The following IGSF21 variants were observed in gnomAD, a reference collection of about 807,000 sequenced individuals.
IGSF21 encodes the protein immunoglobin superfamily member 21.
IGSF21 carries 28 observed loss-of-function variants against 46.8 expected under a neutral mutation model. The ratio of observed to expected loss-of-function variants is 0.60; its 90% CI spans 0.44 to 0.82. IGSF21 has a LOEUF of 0.82. Among genes scored for constraint, IGSF21 ranks in the 40% least tolerant of loss-of-function variants. The probability of loss-of-function intolerance (pLI) is 0.00; values close to 1 mark genes in which losing one functional copy is unlikely to be tolerated. For missense variants in IGSF21, 624 were observed against 665.5 expected (o/e 0.94, Z 0.69); for synonymous variants, 284 against 273.6 (o/e 1.04, Z -0.38).
At chr1:18,313,947 A>G (rs223208) in intron 3 of IGSF21, among the ~76,000 whole-genome samples, 151,405 of 152,276 alleles carry the variant, frequency 0.99, 75,269 homozygotes, top group East Asian at 1. Context: ...CAGCCGTCTC[A>G]GGAAGACGTG....
intron 1 of IGSF21, chr1:18,111,289 C>T (rs1461447881): frequency 1.3e-5 from 2 of 152,238 alleles, no homozygotes; most frequent in Admixed American, 1.3e-4. Flanking sequence ...ATAAACTCCA[C>T]CCCTCTTCCA....
chr1:18,234,357 A>G (rs2084654514), intron 2 of IGSF21, among the ~76,000 whole-genome samples: 1 of 152,202 alleles, frequency 6.6e-6, no homozygotes, highest in Non-Finnish European at 1.5e-5. Context: ...TCACATGGGA[A>G]GGAAGAGAAG....
At chr1:18,356,687 C>T (rs1018909121) in intron 4 of IGSF21, among the ~76,000 whole-genome samples, 1 of 152,136 alleles carries the variant, frequency 6.6e-6, no homozygotes, top group Non-Finnish European at 1.5e-5. Context: ...TGACCTTGGC[C>T]AGAGACTGTA....
Position 18,147,801 on chromosome 1 carries a change from G to C in IGSF21, c.70+39603G>C, listed in dbSNP as rs547894074. Reference sequence around the variant, plus strand: ...ATTTTTACTGAGGACACTTGATATGGTTTGGCTGTGTCCCCACCCAAATCT... The same window carrying C: ...ATTTTTACTGAGGACACTTGATATGCTTTGGCTGTGTCCCCACCCAAATCT... On this transcript the variant is annotated intron_variant, in intron 1 of 9. Transcript: ENST00000251296. Among the ~76,000 whole-genome samples, 3 of 152,218 alleles carry C rather than the reference G, an allele frequency of 2.0e-5. No homozygotes were observed. The South Asian group carries it at 6.2e-4, about 32-fold the overall frequency.
chr1:18,202,078 C>G (rs1322797291), intron 1 of IGSF21, among the ~76,000 whole-genome samples: 1 of 152,200 alleles, frequency 6.6e-6, no homozygotes, highest in East Asian at 1.9e-4. Context: ...TCCACGCACC[C>G]TGCTGCCTCC....
At chr1:18,370,813 A>C (rs781117034) in intron 6 of IGSF21, among the ~76,000 whole-genome samples, 7 of 152,218 alleles carry the variant, frequency 4.6e-5, no homozygotes, top group Non-Finnish European at 8.8e-5. Context: ...GCTAATAAAC[A>C]TGTAAAAACC....
intron 1 of IGSF21, among the ~76,000 whole-genome samples, chr1:18,119,398 T>C (rs2086213648): frequency 6.6e-6 from 1 of 152,246 alleles, no homozygotes; most frequent in Non-Finnish European, 1.5e-5. Context: ...ACACATTCAG[T>C]TCCTCAATCA....
intron 1 of IGSF21, among the ~76,000 whole-genome samples, chr1:18,201,241 G>A (rs2087071167): frequency 6.6e-6 from 1 of 152,130 alleles, no homozygotes; most frequent in South Asian, 2.1e-4. Context: ...GGGAAGGATG[G>A]AGCTCCCTGG....
chr1:18,139,013 G>A (rs1398419612), intron 1 of IGSF21, among the ~76,000 whole-genome samples: 5 of 152,264 alleles, frequency 3.3e-5, no homozygotes, highest in Admixed American at 1.3e-4. Flanking sequence ...TGGCTTTGCC[G>A]TTAAAACCCA....
chr1:18,311,151 A>G (rs2085484675), intron 3 of IGSF21, among the ~76,000 whole-genome samples: 1 of 152,088 alleles, frequency 6.6e-6, no homozygotes, highest in Non-Finnish European at 1.5e-5. Flanking sequence ...ACACATTCAC[A>G]TCCCTGCCAG....
intron 1 of IGSF21, among the ~76,000 whole-genome samples, chr1:18,156,466 TC>T (rs2086570376): frequency 6.6e-6 from 1 of 152,164 alleles, no homozygotes; most frequent in South Asian, 2.1e-4. Context: ...TCAAATGCAG[TC>T]CCCTGGCTCT....
rs115958740 is a variant in IGSF21, at chr1:18,313,465, G to A, written c.306-21427G>A. ...CCTTGGTTTCCCCATCTCTAAAATG[G>A]ACATGATGATAATAGTGTCTATCTT... On this transcript the variant is annotated intron_variant, in intron 3 of 9. Transcript: ENST00000251296. Among the ~76,000 whole-genome samples, 485 of 152,294 alleles carry A rather than the reference G, an allele frequency of 3.2e-3. 1 individual carries two copies. Among genetic ancestry groups the A allele is most frequent in the African/African-American group, 0.01 (421 of 41,558 alleles).
intron 1 of IGSF21, among the ~76,000 whole-genome samples, chr1:18,177,065 T>C (rs1044349493): frequency 6.6e-6 from 1 of 152,210 alleles, no homozygotes; most frequent in African/African-American, 2.4e-5. Context: ...ATCCTCCCAG[T>C]CTGTGCTTTT....
Position 18,365,583 on chromosome 1 carries a change from G to T in IGSF21, c.901G>T (p.Val301Leu), listed in dbSNP as rs773918658. 4 of 1,614,078 alleles carry T rather than the reference G, an allele frequency of 2.5e-6. No individual in the cohort carries two copies. The highest frequency in any genetic ancestry group is 2.7e-5 in the African/African-American group (2 of 74,936). ...RTPSSDGTVE[V>L]RALLTWTLNP... The stretch of plus-strand genomic sequence containing the variant: ...CCCGAGCAGTGACGGCACTGTGGAA[G>T]TACGTGCCCTGCTCACCTGGACCCT... Residue 301 changes from valine to leucine, a missense_variant, in exon 6 of 10, where the codon GTA becomes TTA. Transcript: ENST00000251296. The surrounding 1 kb of genome is among the most constrained non-coding windows in gnomAD (Gnocchi z 4.8).
intron 4 of IGSF21, among the ~76,000 whole-genome samples, chr1:18,350,167 AG>A (rs2085937106): frequency 6.6e-6 from 1 of 152,178 alleles, no homozygotes. Context: ...AGAGGGAAGG[AG>A]AGACCCTGAA....
At chr1:18,362,499 C>T (rs905734951) in intron 5 of IGSF21, among the ~76,000 whole-genome samples, 2 of 152,174 alleles carry the variant, frequency 1.3e-5, no homozygotes, top group Admixed American at 6.5e-5. Flanking sequence ...AGCAGCCTTT[C>T]GGGGAGCCCA....
intron 2 of IGSF21, among the ~76,000 whole-genome samples, chr1:18,273,012 C>T (rs1157692841): frequency 6.7e-6 from 1 of 148,522 alleles, no homozygotes; most frequent in Admixed American, 6.9e-5. Context: ...GCCCTCCAAT[C>T]CCTTCTCCAC....
chr1:18,140,526 G>A (rs549965205), intron 1 of IGSF21, among the ~76,000 whole-genome samples: 73 of 152,286 alleles, frequency 4.8e-4, no homozygotes, highest in African/African-American at 1.4e-3. Flanking sequence ...CACTGGAGGC[G>A]GCCGCATATG....
At chr1:18,268,405 T>C (rs1047903413) in intron 2 of IGSF21, among the ~76,000 whole-genome samples, 1 of 152,188 alleles carries the variant, frequency 6.6e-6, no homozygotes, top group African/African-American at 2.4e-5. Flanking sequence ...ATTTTCTCCT[T>C]TGGCATTTGG....
Sources: gnomAD v4.1 joint callset for allele counts (sites outside exome capture counted in the v4.1 genomes callset) on GRCh38, gnomAD v4.1.1 for gene constraint, Gnocchi (gnomAD v3.1) non-coding constraint, MANE v1.5 for transcripts, NCBI Gene and HGNC (gene_info 2026-07-23, HGNC 2026-07-21) for gene names.